SEC23A: variants seen among roughly 807,000 people sequenced by gnomAD.
SEC23A encodes the protein protein transport protein Sec23A.
A neutral mutation model predicts 103.7 loss-of-function variants in SEC23A; 56 were observed. The ratio of observed to expected loss-of-function variants is 0.54; its 90% CI spans 0.44 to 0.67. SEC23A has a LOEUF of 0.67. Among genes scored for constraint, SEC23A ranks in the 30% least tolerant of loss-of-function variants. The pLI is 0.00. For synonymous variants in SEC23A, 281 were observed against 293.0 expected, an observed-to-expected ratio of 0.96 and a Z score of 0.42; for missense variants, 784 against 936.4, an observed-to-expected ratio of 0.84 and a Z score of 2.12.
chr14:39,079,256 A>G (rs991976119), intron 7 of SEC23A, among the ~76,000 whole-genome samples: 2 of 152,164 alleles, frequency 1.3e-5, no homozygotes, highest in Admixed American at 1.3e-4. Flanking sequence ...ATAAGAAACA[A>G]AAGAGCAACT....
chr14:39,078,875 T>C (rs1222615591), intron 7 of SEC23A, among the ~76,000 whole-genome samples: 1 of 151,710 alleles, frequency 6.6e-6, no homozygotes. Context: ...AAATATAGAA[T>C]AGAAAGAGAA....
intron 5 of SEC23A, chr14:39,087,754 C>G (rs1447038584): frequency 1.3e-5 from 2 of 152,232 alleles, no homozygotes; most frequent in Non-Finnish European, 2.9e-5. Flanking sequence ...AATTAGTGAA[C>G]TAATCCTGCA....
At chr14:39,054,244 C>T (rs1199655971) in intron 14 of SEC23A, among the ~76,000 whole-genome samples, 5 of 151,106 alleles carry the variant, frequency 3.3e-5, no homozygotes, top group Admixed American at 3.3e-4. Flanking sequence ...CATTGAACTC[C>T]AGCCTGGGTG....
At chr14:39,101,937 A>G (rs935481968) in intron 1 of SEC23A, among the ~76,000 whole-genome samples, 2 of 152,134 alleles carry the variant, frequency 1.3e-5, no homozygotes, top group Non-Finnish European at 2.9e-5. Flanking sequence ...TCAATTAAAA[A>G]TAGCTGGACT....
intron 14 of SEC23A, among the ~76,000 whole-genome samples, chr14:39,051,814 A>G (rs1886070308): frequency 6.6e-6 from 1 of 152,018 alleles, no homozygotes. Flanking sequence ...AATACAAAAA[A>G]AAAATCACCT....
At chr14:39,081,236 G>C (rs1049640250) in intron 7 of SEC23A, among the ~76,000 whole-genome samples, 1 of 149,478 alleles carries the variant, frequency 6.7e-6, no homozygotes, top group African/African-American at 2.5e-5. Context: ...CACACATCAA[G>C]GTAAGAAAAT....
chr14:39,095,554 C>T (rs1158530129), intron 2 of SEC23A, among the ~76,000 whole-genome samples: 6 of 152,156 alleles, frequency 3.9e-5, no homozygotes, highest in African/African-American at 1.4e-4. Flanking sequence ...ACCTCGGCCT[C>T]CCAAAGTGCT....
At chr14:39,094,048 G>T (rs1247409955) in intron 2 of SEC23A, among the ~76,000 whole-genome samples, 1 of 151,212 alleles carries the variant, frequency 6.6e-6, no homozygotes, top group African/African-American at 2.4e-5. Flanking sequence ...TTGAGACAGG[G>T]TCTCGTTCTA....
chr14:39,041,072 T>C, intron 17 of SEC23A, 185 bp from the exon 18 acceptor site: 1 of 593,144 alleles, frequency 1.7e-6, no homozygotes, highest in Non-Finnish European at 2.6e-6. Flanking sequence ...AAAATTAGAA[T>C]ATTTCTTCTC....
intron 5 of SEC23A, among the ~76,000 whole-genome samples, chr14:39,089,202 T>G (rs964072356): frequency 6.6e-6 from 1 of 151,686 alleles, no homozygotes; most frequent in Non-Finnish European, 1.5e-5. Context: ...AGGAAGATGT[T>G]TTATGTGCTT....
intron 19 of SEC23A, 92 bp downstream of exon 19, chr14:39,038,939 T>C: frequency 8.8e-7 from 1 of 1,133,598 alleles, no homozygotes; most frequent in Non-Finnish European, 1.3e-6. Context: ...AAACCATTAC[T>C]AAATACACAG....
chr14:39,072,069 A>G (rs1019149315), intron 9 of SEC23A, among the ~76,000 whole-genome samples: 1 of 152,040 alleles, frequency 6.6e-6, no homozygotes, highest in Non-Finnish European at 1.5e-5. Context: ...CCCTGTCTCT[A>G]CTAAAAATAC....
At chr14:39,063,269 G>T in intron 12 of SEC23A, 55 bp downstream of exon 12, 2 of 1,023,526 alleles carry the variant, frequency 2.0e-6, no homozygotes, top group Non-Finnish European at 3.1e-6. Flanking sequence ...CCTAAAGTAA[G>T]TACTTATTCA....
At chr14:39,047,343 GACAAA>G (rs1382127255) in intron 15 of SEC23A, 5 of 1,255,242 alleles carry the variant, frequency 4.0e-6, no homozygotes, top group African/African-American at 1.5e-5. Flanking sequence ...CTACAAAAAT[GACAAA>G]ACAAAGAATT....
At chr14:39,098,847 T>A (rs1007366547) in intron 1 of SEC23A, among the ~76,000 whole-genome samples, 1 of 144,434 alleles carries the variant, frequency 6.9e-6, no homozygotes, top group Non-Finnish European at 1.5e-5. Context: ...AAATAAGTCA[T>A]AAGAAATCCA....
chr14:39,051,115 G>A (rs1886043596), intron 14 of SEC23A, among the ~76,000 whole-genome samples: 1 of 152,124 alleles, frequency 6.6e-6, no homozygotes, highest in African/African-American at 2.4e-5. Context: ...CAAAAACCTA[G>A]GAAATTATAC....
chr14:39,094,963 TTCA>T (rs1322144337), intron 2 of SEC23A: 8 of 697,608 alleles, frequency 1.1e-5, no homozygotes, highest in South Asian at 7.5e-5. Context: ...CTGGAAGATG[TTCA>T]TCATCTGATT....
chr14:39,100,934 C>G (rs1005098436), intron 1 of SEC23A, among the ~76,000 whole-genome samples: 1 of 151,978 alleles, frequency 6.6e-6, no homozygotes, highest in African/African-American at 2.4e-5. Context: ...ACCTCCACCT[C>G]CCGGGTTCAG....
At position 39,061,888 on chromosome 14, in the gene SEC23A, G is replaced by C. The variant is rs953124676; in HGVS notation, c.1399-17C>G. ...AGCATTATGCTGTATAAATATAATG[G>C]AGTAAAACCTAAGCAAAATTTACTA... On this transcript the variant is annotated splice_polypyrimidine_tract_variant and intron_variant, in intron 12 of 19. Transcript: ENST00000307712. The C allele has an allele frequency of 3.8e-6, 6 of 1,558,510 alleles. No homozygotes were observed. In the African/African-American group the frequency reaches 5.4e-5, roughly 14 times the overall value.
Sources: gnomAD v4.1 joint callset for allele counts (sites outside exome capture counted in the v4.1 genomes callset) on GRCh38, gnomAD v4.1.1 for gene constraint, MANE v1.5 for transcripts, NCBI Gene and HGNC (gene_info 2026-07-23, HGNC 2026-07-21) for gene names.